Variants in TNFRSF21 observed in about 807,000 individuals in gnomAD.
TNFRSF21 encodes the protein tumor necrosis factor receptor superfamily member 21.
A neutral mutation model predicts 45.6 loss-of-function variants in TNFRSF21; 19 were observed. That is an observed-to-expected ratio of 0.42 (90% confidence interval 0.29 to 0.61). The LOEUF (loss-of-function observed/expected upper bound fraction) is 0.61. Ranked by LOEUF, TNFRSF21 falls within the 20% of genes least tolerant of loss-of-function variation. The probability of loss-of-function intolerance (pLI) is 0.23; values close to 1 mark genes in which losing one functional copy is unlikely to be tolerated. For synonymous variants in TNFRSF21, 314 were observed against 335.5 expected (o/e 0.94, Z 0.70); for missense variants, 737 against 851.5 (o/e 0.87, Z 1.67).
chr6:47,282,393 AAT>A lies in TNFRSF21; in HGVS notation c.1243+1543_1243+1544del, dbSNP rs1397469617. Among the ~76,000 whole-genome samples the A allele has an allele frequency of 3.9e-3, 513 of 132,528 alleles. 9 individuals carry two copies. The highest frequency in any genetic ancestry group is 4.7e-3 in the Non-Finnish European group (314 of 67,490). 86.9% of individuals were successfully genotyped at this position (132,528 alleles called of 152,430 possible). Reference sequence around the variant, plus strand: ...GAGCTAAATTCTGTCTCAAAAAAAAAATAAAAAAAAAAAACCCTCAGAAAGTT... The same window carrying A: ...GAGCTAAATTCTGTCTCAAAAAAAAAAAAAAAAAAAAACCCTCAGAAAGTT... On this transcript the variant is annotated intron_variant, in intron 3 of 5. Coordinates refer to ENST00000296861, the MANE Select transcript of TNFRSF21 (RefSeq NM_014452.5).
At position 47,253,473 on chromosome 6, in the gene TNFRSF21, T is replaced by C. The variant is rs1488086296; in HGVS notation, c.1292A>G (p.Lys431Arg). 11 of 1,613,716 alleles carry C rather than the reference T, an allele frequency of 6.8e-6. No homozygotes were observed. The highest frequency in any genetic ancestry group is 8.5e-6 in the Non-Finnish European group (10 of 1,180,016). ...ATTGCAAAGAAACTGATAGATATCT[T>C]TCCACTGGCTTCCCACTTGGGCTGC... ...LVAAQVGSQW[K>R]DIYQFLCNAS... The change falls in exon 4 of 6, where the codon AAA (lysine) becomes AGA (arginine). Residue 431 changes from lysine (K) to arginine (R), a missense_variant. By Grantham distance (26) the Lys-to-Arg change is conservative. Transcript: ENST00000296861.
At chr6:47,281,825 A>C (rs1261449443) in intron 3 of TNFRSF21, among the ~76,000 whole-genome samples, 1 of 144,398 alleles carries the variant, frequency 6.9e-6, no homozygotes, top group Admixed American at 6.7e-5. Context: ...ATGTACAAAT[A>C]AAAAGATTTT....
In TNFRSF21 at chr6:47,245,427, A is replaced by AGTGT. The variant is rs375623340; in HGVS notation, c.1509+7825_1509+7828dup. Among the ~76,000 whole-genome samples, 554 of 142,278 alleles carry AGTGT rather than the reference A, an allele frequency of 3.9e-3. 1 individual carries two copies. The highest frequency in any genetic ancestry group is 9.3e-3 in the Admixed American group (133 of 14,254). 93.3% of individuals were successfully genotyped at this position (142,278 alleles called of 152,430 possible). A position where few individuals can be genotyped will look rare whatever the true frequency, so the allele number is the denominator to read the frequency against. ...AACCTTAAAGGCAATACTAAGAAGA[A>AGTGT]GTGTGTGTGTGTGTGTGTGTGTGTG... On this transcript the variant is annotated intron_variant, in intron 4 of 5. Transcript: ENST00000296861.
intron 1 of TNFRSF21, among the ~76,000 whole-genome samples, chr6:47,292,061 C>T (rs1762736326): frequency 6.6e-6 from 1 of 152,146 alleles, no homozygotes; most frequent in Non-Finnish European, 1.5e-5. Flanking sequence ...GAAATCATTC[C>T]CAGTGATGAT....
intron 3 of TNFRSF21, among the ~76,000 whole-genome samples, chr6:47,258,398 GTTT>G (rs1162552203): frequency 1.5e-5 from 2 of 131,046 alleles, no homozygotes. Context: ...AGTAATTGTG[GTTT>G]TTTTTTTTTT....
At chr6:47,306,183 T>C (rs535506432) in intron 1 of TNFRSF21, among the ~76,000 whole-genome samples, 9 of 152,268 alleles carry the variant, frequency 5.9e-5, no homozygotes, top group Non-Finnish European at 1.3e-4. Flanking sequence ...GTGTATGTTT[T>C]ACTTTCTATT....
chr6:47,251,556 C>T (rs982913789), intron 4 of TNFRSF21, among the ~76,000 whole-genome samples: 1 of 152,202 alleles, frequency 6.6e-6, no homozygotes, highest in African/African-American at 2.4e-5. Context: ...GGGCCCACCA[C>T]AGGTTTGGGT....
intron 1 of TNFRSF21, among the ~76,000 whole-genome samples, chr6:47,294,385 G>A (rs952939015): frequency 9.2e-5 from 14 of 152,100 alleles, no homozygotes; most frequent in Non-Finnish European, 1.9e-4. Context: ...CTCGTGATCC[G>A]CCTGCCTCAG....
At chr6:47,263,198 C>T (rs1762251511) in intron 3 of TNFRSF21, among the ~76,000 whole-genome samples, 1 of 152,102 alleles carries the variant, frequency 6.6e-6, no homozygotes. Context: ...AAGGTTTCAT[C>T]CTGAGCAAGT....
intron 3 of TNFRSF21, among the ~76,000 whole-genome samples, chr6:47,276,749 G>T (rs926571922): frequency 6.6e-6 from 1 of 152,114 alleles, no homozygotes; most frequent in African/African-American, 2.4e-5. Flanking sequence ...CTGACCCATG[G>T]TATAGATAGC....
intron 4 of TNFRSF21, among the ~76,000 whole-genome samples, chr6:47,237,914 G>A (rs1465674792): frequency 6.6e-6 from 1 of 152,132 alleles, no homozygotes; most frequent in Non-Finnish European, 1.5e-5. Context: ...GCCAGGCGTG[G>A]TGGCAGGCGC....
intron 4 of TNFRSF21, among the ~76,000 whole-genome samples, chr6:47,240,710 G>A (rs1327180926): frequency 6.6e-6 from 1 of 152,214 alleles, no homozygotes; most frequent in East Asian, 1.9e-4. Flanking sequence ...TAGAGGTTGA[G>A]ATCTGCAAGT....
chr6:47,237,413 G>A (rs1764677447), intron 4 of TNFRSF21, among the ~76,000 whole-genome samples: 1 of 152,150 alleles, frequency 6.6e-6, no homozygotes, highest in Non-Finnish European at 1.5e-5. Context: ...TTTCTAATCA[G>A]AACAGTGAGT....
chr6:47,266,610 C>T (rs996018510), intron 3 of TNFRSF21, among the ~76,000 whole-genome samples: 1 of 151,020 alleles, frequency 6.6e-6, no homozygotes, highest in South Asian at 2.1e-4. Flanking sequence ...CAAACTGGGA[C>T]ATCAAAGTTA....
Position 47,295,125 on chromosome 6 carries a change from G to A in TNFRSF21, c.97-8530C>T, listed in dbSNP as rs1228508746. On this transcript the variant is annotated intron_variant, in intron 1 of 5. Coordinates refer to ENST00000296861, the MANE Select transcript of TNFRSF21 (RefSeq NM_014452.5). The stretch of plus-strand genomic sequence containing the variant: ...AGGAGGTAGCTCTAAATAACCAACA[G>A]TAAAAACTCCCTGGGTCTCAGCATT... Among the ~76,000 whole-genome samples, 6 of 152,220 alleles carry A rather than the reference G, an allele frequency of 3.9e-5. No individual in the cohort carries two copies. In the South Asian group the frequency reaches 1.2e-3, roughly 32 times the overall value.
At chr6:47,257,728 T>C (rs1159308873) in intron 3 of TNFRSF21, among the ~76,000 whole-genome samples, 2 of 152,216 alleles carry the variant, frequency 1.3e-5, no homozygotes, top group East Asian at 3.9e-4. Flanking sequence ...TCTTTTCATG[T>C]TATTACTTTT....
chr6:47,244,345 G>T (rs1018616147), intron 4 of TNFRSF21, among the ~76,000 whole-genome samples: 1 of 138,510 alleles, frequency 7.2e-6, no homozygotes, highest in African/African-American at 2.7e-5. Context: ...AAAAAAAAAG[G>T]CTTCAGTATT....
At chr6:47,253,165 GTTAT>G in intron 4 of TNFRSF21, 87 bp downstream of exon 4, 1 of 1,453,478 alleles carries the variant, frequency 6.9e-7, no homozygotes, top group Non-Finnish European at 9.3e-7. Context: ...CACCGAATAT[GTTAT>G]TTTTCTTTGT....
chr6:47,240,650 T>C (rs1764730879), intron 4 of TNFRSF21, among the ~76,000 whole-genome samples: 1 of 152,184 alleles, frequency 6.6e-6, no homozygotes, highest in Admixed American at 6.5e-5. Flanking sequence ...TTACAAGCGA[T>C]CACATGACCA....
Sources: allele counts gnomAD v4.1 joint callset (sites outside exome capture counted in the v4.1 genomes callset), GRCh38; gene constraint gnomAD v4.1.1; transcripts MANE v1.5; gene names NCBI Gene and HGNC (gene_info 2026-07-23, HGNC 2026-07-21).